The following LUZP2 variants were observed in gnomAD, a reference collection of about 807,000 sequenced individuals.
LUZP2 encodes the protein leucine zipper protein 2.
In LUZP2, 52 loss-of-function variants were observed where a neutral mutation model predicts 51.6. That is an observed-to-expected ratio of 1.01 (90% CI 0.81 to 1.27). The LOEUF is 1.27. Ranked by LOEUF, LUZP2 falls within the 50% of genes most tolerant of loss-of-function variation. The pLI, the probability that LUZP2 is intolerant of heterozygous loss-of-function variation, is 0.00. For missense variants in LUZP2, 436 were observed against 395.4 expected, an observed-to-expected ratio of 1.10 and a Z score of -0.87; for synonymous variants, 154 against 137.3, an observed-to-expected ratio of 1.12 and a Z score of -0.85.
intron 1 of LUZP2, among the ~76,000 whole-genome samples, chr11:24,642,957 C>G (rs1179773345): frequency 6.6e-6 from 1 of 151,800 alleles, no homozygotes; most frequent in African/African-American, 2.4e-5. Context: ...GAAGATAAGA[C>G]CTAAAGAGAG....
Position 25,078,262 on chromosome 11 carries a change from A to C in LUZP2, c.937-292A>C, listed in dbSNP as rs190102049. Among the ~76,000 whole-genome samples the C allele has an allele frequency of 7.2e-5, 11 of 152,352 alleles. No individual in the cohort carries two copies. The East Asian group carries it at 1.9e-3, about 27-fold the overall frequency. ...AATACTAAAACGTGGAGTTAGATTT[A>C]ACTTATTTTCAAACTTTGAATTAGA... is the stretch of plus-strand genomic sequence containing the variant. On this transcript the variant is annotated intron_variant, in intron 11 of 11. Coordinates refer to ENST00000336930, the MANE Select transcript of LUZP2 (RefSeq NM_001009909.4).
intron 5 of LUZP2, among the ~76,000 whole-genome samples, chr11:24,897,350 C>G (rs932968451): frequency 2.0e-5 from 3 of 152,156 alleles, no homozygotes; most frequent in Non-Finnish European, 4.4e-5. Context: ...TTGTTTTGCT[C>G]TTTGCAATAA....
intron 1 of LUZP2, among the ~76,000 whole-genome samples, chr11:24,687,218 A>G (rs1039297907): frequency 2.1e-4 from 30 of 142,650 alleles, no homozygotes; most frequent in African/African-American, 7.9e-4. Context: ...TAAAATGATC[A>G]TTGATTTTTA....
rs1859467410 is a variant in LUZP2, at chr11:25,081,808, T to G, written c.*3150T>G. ...AAGCATTGAAAGATTATTTACATTT[T>G]GAAAAACATGGAATTGATTCTTATT... is the stretch of plus-strand genomic sequence containing the variant. On this transcript the variant is annotated 3_prime_UTR_variant, in exon 12 of 12. Transcript: ENST00000336930. 1.3e-5 allele frequency: 2 copies of G among 152,306 alleles called. No individual in the cohort carries two copies. The highest frequency in any genetic ancestry group is 4.1e-4 in the South Asian group (2 of 4,832). The allele number at this position is 152,306 out of a possible 1,614,324, so 9.4% of individuals were successfully genotyped here.
At chr11:25,076,599 G>A (rs1859306067) in intron 10 of LUZP2, among the ~76,000 whole-genome samples, 2 of 107,730 alleles carry the variant, frequency 1.9e-5, no homozygotes, top group South Asian at 7.1e-4. Flanking sequence ...AAAGAAGAGG[G>A]AACTAAGGAA....
At chr11:24,889,819 G>C (rs1346671217) in intron 5 of LUZP2, among the ~76,000 whole-genome samples, 1 of 152,160 alleles carries the variant, frequency 6.6e-6, no homozygotes, top group Non-Finnish European at 1.5e-5. Context: ...CCAACTGCCA[G>C]AATAAATTAT....
At chr11:24,986,537 CTGTG>C (rs61367765) in intron 9 of LUZP2, among the ~76,000 whole-genome samples, 2,626 of 145,518 alleles carry the variant, frequency 0.018, 92 homozygotes, top group African/African-American at 0.058. Context: ...TAGCATGCCT[CTGTG>C]TGTGTGTGTG....
intron 9 of LUZP2, among the ~76,000 whole-genome samples, chr11:25,003,829 C>T (rs180972708): frequency 4.6e-5 from 7 of 152,248 alleles, no homozygotes; most frequent in African/African-American, 1.7e-4. Context: ...TAGATAATAA[C>T]TCCAGCTTTG....
At chr11:24,772,642 G>C (rs1448544328) in intron 5 of LUZP2, among the ~76,000 whole-genome samples, 1 of 152,106 alleles carries the variant, frequency 6.6e-6, no homozygotes, top group Non-Finnish European at 1.5e-5. Flanking sequence ...TAAGGCTACT[G>C]TTAAAAAGTA....
At chr11:24,703,542 G>A (rs899940436) in intron 1 of LUZP2, among the ~76,000 whole-genome samples, 2 of 152,022 alleles carry the variant, frequency 1.3e-5, no homozygotes, top group African/African-American at 2.4e-5. Context: ...GATTCACATG[G>A]CCAAGCACAC....
chr11:25,039,868 T>C (rs1463440628), intron 9 of LUZP2, among the ~76,000 whole-genome samples: 1 of 152,178 alleles, frequency 6.6e-6, no homozygotes, highest in Non-Finnish European at 1.5e-5. Flanking sequence ...CCTTTAAAAT[T>C]TTTTTTCAAA....
chr11:24,613,949 A>T (rs1458292226), intron 1 of LUZP2, among the ~76,000 whole-genome samples: 1 of 152,000 alleles, frequency 6.6e-6, no homozygotes, highest in African/African-American at 2.4e-5. Context: ...TACTAGGCAC[A>T]GTTAACCGCC....
At chr11:25,054,840 A>G (rs774209597) in intron 10 of LUZP2, among the ~76,000 whole-genome samples, 1 of 152,022 alleles carries the variant, frequency 6.6e-6, no homozygotes, top group Admixed American at 6.6e-5. Context: ...GAAGTCTACA[A>G]TTTAAAGTAC....
chr11:25,003,744 A>G (rs1403270362), intron 9 of LUZP2, among the ~76,000 whole-genome samples: 1 of 152,108 alleles, frequency 6.6e-6, no homozygotes, highest in Non-Finnish European at 1.5e-5. Flanking sequence ...TTGTCTTTCC[A>G]ACGCCCAGAC....
chr11:24,996,279 C>G (rs1256296639), intron 9 of LUZP2, among the ~76,000 whole-genome samples: 2 of 151,010 alleles, frequency 1.3e-5, no homozygotes, highest in Non-Finnish European at 3.0e-5. Flanking sequence ...ATACGTTTCT[C>G]TCTCTCTCCC....
intron 5 of LUZP2, among the ~76,000 whole-genome samples, chr11:24,881,327 A>AG (rs949801428): frequency 2.8e-4 from 42 of 152,012 alleles, no homozygotes; most frequent in South Asian, 1.0e-3. Context: ...AAAAAAAAAA[A>AG]AGAGAGAGAG....
At chr11:24,641,132 C>T (rs532348309) in intron 1 of LUZP2, among the ~76,000 whole-genome samples, 5 of 151,340 alleles carry the variant, frequency 3.3e-5, no homozygotes, top group Non-Finnish European at 7.4e-5. Flanking sequence ...CCAGGTTAGT[C>T]TCAAACTTCT....
chr11:24,891,160 A>G (rs1852841451), intron 5 of LUZP2: 2 of 984,906 alleles, frequency 2.0e-6, no homozygotes, highest in African/African-American at 3.5e-5. Context: ...ACAAAAGTCT[A>G]CTTAACCGAC....
chr11:24,572,794 T>C lies in LUZP2; in HGVS notation c.62+75489T>C, dbSNP rs187593761. 2.2e-3 allele frequency among the ~76,000 whole-genome samples: 329 copies of C among 152,176 alleles called. 1 individual carries two copies. Among genetic ancestry groups the C allele is most frequent in the Non-Finnish European group, 3.6e-3 (248 of 67,972 alleles). On this transcript the variant is annotated intron_variant, in intron 1 of 11. Coordinates refer to ENST00000336930, the MANE Select transcript of LUZP2 (RefSeq NM_001009909.4). ...TGCTCATCCGCACAATAATTTTACTTTATCTAAAGACGAAATATTCTGTTT... is the reference window on the plus strand; with the variant it reads ...TGCTCATCCGCACAATAATTTTACTCTATCTAAAGACGAAATATTCTGTTT...
Sources: allele counts gnomAD v4.1 joint callset (sites outside exome capture counted in the v4.1 genomes callset), GRCh38; gene constraint gnomAD v4.1.1; transcripts MANE v1.5; gene names NCBI Gene and HGNC (gene_info 2026-07-23, HGNC 2026-07-21).